The following RALGPS1 variants were observed in gnomAD, a reference collection of about 807,000 sequenced individuals.
The protein encoded by RALGPS1 is ras-specific guanine nucleotide-releasing factor RalGPS1.
A neutral mutation model predicts 78.8 loss-of-function variants in RALGPS1; 19 were observed. The observed-to-expected ratio is 0.24, with a 90% CI of 0.17 to 0.35. The LOEUF (loss-of-function observed/expected upper bound fraction) is 0.35, where lower values mean the gene tolerates loss of function less well. Among genes scored for constraint, RALGPS1 ranks in the 10% least tolerant of loss-of-function variants. The pLI is 1.00. For synonymous variants in RALGPS1, 228 were observed against 256.3 expected, an observed-to-expected ratio of 0.89 and a Z score of 1.06; for missense variants, 454 against 688.3, an observed-to-expected ratio of 0.66 and a Z score of 3.81.
chr9:127,024,326 T>C (rs548194395), intron 4 of RALGPS1, among the ~76,000 whole-genome samples: 1 of 151,650 alleles, frequency 6.6e-6, no homozygotes, highest in African/African-American at 2.4e-5. Context: ...AGGTACACTC[T>C]TTAAACTGTT....
intron 13 of RALGPS1, 24 bp from the exon 14 acceptor site, chr9:127,198,991 C>A: frequency 6.2e-7 from 1 of 1,611,100 alleles, no homozygotes; most frequent in South Asian, 1.1e-5. Flanking sequence ...CCGTTGTGCT[C>A]ATTGACCTGT....
intron 1 of RALGPS1, among the ~76,000 whole-genome samples, chr9:126,919,620 G>A (rs1213542134): frequency 3.3e-5 from 5 of 152,184 alleles, no homozygotes; most frequent in South Asian, 2.1e-4. Context: ...GTTTTTGTGC[G>A]GAGGAAGGGA....
chr9:126,927,167 AT>A (rs2035362175), intron 1 of RALGPS1, among the ~76,000 whole-genome samples: 1 of 152,096 alleles, frequency 6.6e-6, no homozygotes, highest in Admixed American at 6.5e-5. Flanking sequence ...GCTTTCACAG[AT>A]GGTTCTGATG....
At chr9:127,102,352 G>A (rs1019807466) in intron 8 of RALGPS1, among the ~76,000 whole-genome samples, 1 of 151,550 alleles carries the variant, frequency 6.6e-6, no homozygotes, top group African/African-American at 2.4e-5. Flanking sequence ...TTGTGGGGGT[G>A]GGGGTGGAGG....
At chr9:126,985,134 A>C (rs1366310712) in intron 4 of RALGPS1, among the ~76,000 whole-genome samples, 1 of 152,224 alleles carries the variant, frequency 6.6e-6, no homozygotes, top group African/African-American at 2.4e-5. Flanking sequence ...GCAGCATGGC[A>C]GTGTGCAGAT....
chr9:127,142,768 T>A (rs2057866910), intron 8 of RALGPS1, among the ~76,000 whole-genome samples: 1 of 152,184 alleles, frequency 6.6e-6, no homozygotes. Context: ...GTTGACTCTT[T>A]ATTTATATTT....
chr9:127,069,606 T>G (rs1405441345), intron 8 of RALGPS1: 1 of 408,036 alleles, frequency 2.5e-6, no homozygotes, highest in Non-Finnish European at 4.5e-6. Flanking sequence ...TTCCCCAGGC[T>G]GCAGCCCAGA....
At chr9:126,917,281 G>C (rs932724964) in intron 1 of RALGPS1, among the ~76,000 whole-genome samples, 7 of 152,180 alleles carry the variant, frequency 4.6e-5, no homozygotes, top group Admixed American at 3.3e-4. Flanking sequence ...GACTGCTGCT[G>C]TCTGAGTGAC....
intron 4 of RALGPS1, among the ~76,000 whole-genome samples, chr9:127,013,920 C>T (rs747923499): frequency 3.9e-5 from 6 of 152,212 alleles, no homozygotes; most frequent in Non-Finnish European, 8.8e-5. Context: ...CCTTCTTATA[C>T]ACTGATTGCA....
intron 1 of RALGPS1, among the ~76,000 whole-genome samples, chr9:126,934,939 TG>T (rs1192254871): frequency 2.6e-5 from 4 of 152,060 alleles, no homozygotes; most frequent in Non-Finnish European, 5.9e-5. Flanking sequence ...TGTTTGGCCA[TG>T]GGAGAATGGG....
chr9:127,139,695 G>A (rs2057639685), intron 8 of RALGPS1, among the ~76,000 whole-genome samples: 1 of 152,260 alleles, frequency 6.6e-6, no homozygotes, highest in Non-Finnish European at 1.5e-5. Flanking sequence ...GGCGTGTGGT[G>A]TGGGTGGTCT....
intron 8 of RALGPS1, among the ~76,000 whole-genome samples, chr9:127,089,365 C>T (rs929161324): frequency 6.6e-6 from 1 of 152,208 alleles, no homozygotes; most frequent in Non-Finnish European, 1.5e-5. Flanking sequence ...GACTTGACCT[C>T]TCCCAGCCAC....
intron 1 of RALGPS1, among the ~76,000 whole-genome samples, chr9:126,961,515 A>C (rs1447526903): frequency 6.6e-6 from 1 of 152,204 alleles, no homozygotes; most frequent in Non-Finnish European, 1.5e-5. Flanking sequence ...TTTAAAAGAA[A>C]AATCAAGGCT....
intron 13 of RALGPS1, among the ~76,000 whole-genome samples, chr9:127,197,646 G>T (rs1489451482): frequency 6.6e-6 from 1 of 152,216 alleles, no homozygotes; most frequent in Non-Finnish European, 1.5e-5. Flanking sequence ...AGCATGTTCT[G>T]TGTCTGCCTC....
intron 10 of RALGPS1, among the ~76,000 whole-genome samples, chr9:127,173,842 A>G (rs778643716): frequency 6.6e-5 from 10 of 152,046 alleles, no homozygotes; most frequent in Non-Finnish European, 1.5e-4. Context: ...GTGAAACCCC[A>G]CCTCTACTAA....
intron 5 of RALGPS1, among the ~76,000 whole-genome samples, chr9:127,045,675 A>T (rs1233871023): frequency 1.3e-5 from 2 of 152,000 alleles, no homozygotes; most frequent in African/African-American, 4.8e-5. Flanking sequence ...CTTAATACAG[A>T]TATAGATGGT....
At chr9:127,188,309 G>A (rs575379057) in intron 11 of RALGPS1, among the ~76,000 whole-genome samples, 69 of 152,130 alleles carry the variant, frequency 4.5e-4, no homozygotes, top group African/African-American at 1.6e-3. Context: ...TGATCCGCCC[G>A]AGCCTCAAAG....
At chr9:127,171,270 A>T (rs58986932) in intron 10 of RALGPS1, among the ~76,000 whole-genome samples, 56,594 of 152,108 alleles carry the variant, frequency 0.37, 12,473 homozygotes, top group Non-Finnish European at 0.48. Context: ...GGATGGATAG[A>T]TGGATGGATA....
rs576785796 is a variant in RALGPS1 at position 127,145,114 on chromosome 9, C to T, written c.611-20955C>T. On this transcript the variant is annotated intron_variant, in intron 8 of 18. Coordinates refer to ENST00000259351, the MANE Select transcript of RALGPS1 (RefSeq NM_014636.3). The stretch of plus-strand genomic sequence containing the variant: ...GAGATAAGAAATAGAGCTGCTGGGC[C>T]CTGACACTCCAGCTGGGTTGTATTT... 2.0e-5 allele frequency among the ~76,000 whole-genome samples: 3 copies of T among 152,236 alleles called. No homozygotes were observed. The East Asian group carries it at 5.8e-4, about 29-fold the overall frequency.
Sources: allele counts gnomAD v4.1 joint callset (sites outside exome capture counted in the v4.1 genomes callset), GRCh38; gene constraint gnomAD v4.1.1; transcripts MANE v1.5; gene names NCBI Gene and HGNC (gene_info 2026-07-23, HGNC 2026-07-21).